The following TG variants were observed in gnomAD, a reference collection of about 807,000 sequenced individuals.
TG encodes thyroglobulin.
A neutral mutation model predicts 324.7 loss-of-function variants in TG; 270 were observed. The observed-to-expected ratio is 0.83, with a 90% CI of 0.75 to 0.92. TG has a LOEUF of 0.92. Among genes scored for constraint, TG ranks in the 40% least tolerant of loss-of-function variants. TG has a pLI of 0.00. For synonymous variants in TG, 1,401 were observed against 1,327.0 expected, an observed-to-expected ratio of 1.06 and a Z score of -1.21; for missense variants, 3,591 against 3,456.4, an observed-to-expected ratio of 1.04 and a Z score of -0.98.
chr8:133,131,912 A>G lies in TG; in HGVS notation c.7963A>G (p.Ile2655Val). The G allele has an allele frequency of 1.9e-6, 3 of 1,614,106 alleles. No homozygotes were observed. The highest frequency in any genetic ancestry group is 1.6e-4 in the Middle Eastern group (1 of 6,062). Residue 2655 changes from isoleucine (I) to valine (V), a missense_variant, in exon 46 of 48, where the codon ATC becomes GTC. By Grantham distance (29) the Ile-to-Val change is conservative. Transcript: ENST00000220616. ...SLEEKSLSLK[I>V]MQYFSHFIRS... ...GGAGGAGAAGAGCCTGTCGCTGAAA[A>G]TCATGCAGTACTTTTCCCACTTCAT...
At chr8:132,946,300 C>T (rs945277522) in intron 26 of TG, among the ~76,000 whole-genome samples, 9 of 152,034 alleles carry the variant, frequency 5.9e-5, no homozygotes, top group Admixed American at 1.3e-4. Flanking sequence ...CCACAAAATC[C>T]TTTTTTTCCA....
chr8:132,984,645 G>A (rs185538970), intron 35 of TG, among the ~76,000 whole-genome samples: 8 of 152,124 alleles, frequency 5.3e-5, no homozygotes, highest in African/African-American at 1.9e-4. Flanking sequence ...AAAGATTTAT[G>A]GTTTAAAAAG....
At chr8:133,090,181 TTTCAATAAGCCAGCA>T (rs1564176767) in intron 41 of TG, 1 of 152,340 alleles carries the variant, frequency 6.6e-6, no homozygotes, top group African/African-American at 2.4e-5. Flanking sequence ...TGGCAATTGA[TTTCAATAAGCCAGCA>T]TTCAATAAGC....
At chr8:132,947,915 C>A (rs1282802489) in intron 26 of TG, among the ~76,000 whole-genome samples, 1 of 152,178 alleles carries the variant, frequency 6.6e-6, no homozygotes, top group Non-Finnish European at 1.5e-5. Flanking sequence ...CTATCAAATT[C>A]GATTACCTTG....
chr8:132,907,152 C>T (rs894092477), intron 17 of TG, among the ~76,000 whole-genome samples: 4 of 152,184 alleles, frequency 2.6e-5, no homozygotes, highest in Non-Finnish European at 4.4e-5. Flanking sequence ...GAGAGAATTG[C>T]CATTCTTCCA....
intron 41 of TG, chr8:133,076,535 G>A (rs1192430105): frequency 2.0e-5 from 3 of 152,128 alleles, no homozygotes; most frequent in Non-Finnish European, 4.4e-5. Context: ...CAGGGAAGAC[G>A]GGATAGGCAG....
At chr8:132,897,893 T>C in intron 12 of TG, 107 bp downstream of exon 12, 1 of 1,373,176 alleles carries the variant, frequency 7.3e-7, no homozygotes, top group South Asian at 1.2e-5. Flanking sequence ...TAGGCTCCTC[T>C]TTAGCAGCTG....
At chr8:132,883,397 T>G (rs1403041776) in intron 8 of TG, among the ~76,000 whole-genome samples, 2 of 152,104 alleles carry the variant, frequency 1.3e-5, no homozygotes, top group African/African-American at 4.8e-5. Context: ...GATCAGAATC[T>G]TCTAAGAAGA....
At chr8:133,102,345 G>A (rs57798508) in intron 43 of TG, 117,097 of 498,766 alleles carry the variant, frequency 0.23, 15,826 homozygotes, top group African/African-American at 0.36. Flanking sequence ...GGGAAGTCAC[G>A]GAGGGACAGG....
chr8:132,936,143 C>G (rs1823551593), intron 25 of TG, among the ~76,000 whole-genome samples: 1 of 152,232 alleles, frequency 6.6e-6, no homozygotes, highest in Non-Finnish European at 1.5e-5. Context: ...GGATTGAGAG[C>G]CTCATTCTGC....
intron 30 of TG, among the ~76,000 whole-genome samples, 166 bp from the exon 31 acceptor site, chr8:132,967,628 G>A (rs75071533): frequency 0.057 from 8,635 of 152,160 alleles, 689 homozygotes; most frequent in African/African-American, 0.18. Context: ...GAACCCCAGC[G>A]TTTTTGCATG....
chr8:133,102,696 G>T, intron 43 of TG: 1 of 815,800 alleles, frequency 1.2e-6, no homozygotes, highest in Non-Finnish European at 2.0e-6. Context: ...TCTAACTGGT[G>T]AAATTGACAG....
intron 16 of TG, among the ~76,000 whole-genome samples, chr8:132,901,842 G>T (rs1309174521): frequency 6.6e-6 from 1 of 152,176 alleles, no homozygotes; most frequent in African/African-American, 2.4e-5. Flanking sequence ...CTTATTCTCT[G>T]TGTCTTCAGA....
Position 132,908,246 on chromosome 8 carries a change from G to A in TG, c.3908G>A (p.Gly1303Asp), listed in dbSNP as rs758680819. 11 of 1,614,014 alleles carry A rather than the reference G, an allele frequency of 6.8e-6. No homozygotes were observed. The East Asian group carries it at 2.2e-4, about 33-fold the overall frequency. ...CACTTTCAGCTCCAGCTCCCGCCGGGCAAGATGTGCAGTGCTGACTACGCG... is the reference window on the plus strand; with the variant it reads ...CACTTTCAGCTCCAGCTCCCGCCGGACAAGATGTGCAGTGCTGACTACGCG... ...QGHFQLQLPP[G>D]KMCSADYADL... The change falls in exon 18 of 48, where the codon GGC becomes GAC. Residue 1303 changes from glycine (G) to aspartate (D), a missense_variant. Transcript: ENST00000220616.
At chr8:133,023,654 T>C (rs1309998684) in intron 40 of TG, among the ~76,000 whole-genome samples, 4 of 152,210 alleles carry the variant, frequency 2.6e-5, no homozygotes, top group Non-Finnish European at 4.4e-5. Flanking sequence ...AGCCCCTTCC[T>C]CTAGAGGTGG....
At chr8:132,907,641 A>G (rs1369379345) in intron 17 of TG, among the ~76,000 whole-genome samples, 1 of 152,088 alleles carries the variant, frequency 6.6e-6, no homozygotes, top group African/African-American at 2.4e-5. Context: ...AGAAAATTCA[A>G]AATGTGATTT....
intron 44 of TG, among the ~76,000 whole-genome samples, chr8:133,114,623 G>T (rs914774882): frequency 6.6e-6 from 1 of 152,200 alleles, no homozygotes; most frequent in Non-Finnish European, 1.5e-5. Context: ...CACAGGTGAC[G>T]CATCTTGGTT....
At chr8:133,047,987 A>T in intron 41 of TG, 1 of 1,104,832 alleles carries the variant, frequency 9.1e-7, no homozygotes, top group African/African-American at 1.5e-5. Flanking sequence ...CCCCCAGGAA[A>T]GGCAGGAATG....
intron 5 of TG, among the ~76,000 whole-genome samples, chr8:132,878,621 C>CCA (rs1554652076): frequency 2.1e-5 from 3 of 140,042 alleles, no homozygotes; most frequent in African/African-American, 8.0e-5. Flanking sequence ...AAAAAAAAAA[C>CCA]AAAAAAAAAA....
Sources: allele counts gnomAD v4.1 joint callset (sites outside exome capture counted in the v4.1 genomes callset), GRCh38; gene constraint gnomAD v4.1.1; transcripts MANE v1.5; gene names NCBI Gene and HGNC (gene_info 2026-07-23, HGNC 2026-07-21).